DCAF8L2: variants seen among roughly 807,000 people sequenced by gnomAD.
DCAF8L2 encodes DDB1 and CUL4 associated factor 8 like 2.
For synonymous variants in DCAF8L2, 200 were observed against 190.9 expected (o/e 1.05, Z -0.39); for missense variants, 430 against 490.7 (o/e 0.88, Z 1.17).
chrX:27,620,105 A>T (rs1296471831), intron 1 of DCAF8L2, among the ~76,000 whole-genome samples: 2 of 111,896 alleles, frequency 1.8e-5, no homozygotes, highest in East Asian at 5.6e-4. Flanking sequence ...AAGCTAATTG[A>T]CAAAATTTCT....
the DCAF8L2 span, among the ~76,000 whole-genome samples, chrX:27,499,078 A>G: frequency 1.8e-5 from 2 of 112,339 alleles, no homozygotes; most frequent in African/African-American, 6.5e-5. Context: ...TTTCTTTTAG[A>G]CATATATTCC....
the DCAF8L2 span, among the ~76,000 whole-genome samples, chrX:27,514,474 C>T: frequency 9.4e-6 from 1 of 106,722 alleles, no homozygotes; most frequent in Non-Finnish European, 1.9e-5. Flanking sequence ...TCGAGACCAT[C>T]CCGGCTAAAA....
At chrX:27,669,629 C>T (rs1452894765) in intron 2 of DCAF8L2, among the ~76,000 whole-genome samples, 1 of 108,602 alleles carries the variant, frequency 9.2e-6, no homozygotes, top group Admixed American at 1.0e-4. Flanking sequence ...TCCCCCGCCC[C>T]CGCTCCATGA....
At chrX:27,530,531 G>C in the DCAF8L2 span, among the ~76,000 whole-genome samples, 1 of 111,200 alleles carries the variant, frequency 9.0e-6, no homozygotes, top group African/African-American at 3.3e-5. Flanking sequence ...ATCTGGTGTA[G>C]TGGAGATTAC....
chrX:27,669,052 G>C (rs1929848654), intron 2 of DCAF8L2, among the ~76,000 whole-genome samples: 1 of 110,929 alleles, frequency 9.0e-6, no homozygotes, highest in Non-Finnish European at 1.9e-5. Flanking sequence ...AGTAAAGAGG[G>C]CCCAATAGGA....
intron 1 of DCAF8L2, among the ~76,000 whole-genome samples, chrX:27,621,174 A>C (rs767427846): frequency 9.0e-6 from 1 of 111,290 alleles, no homozygotes; most frequent in Admixed American, 9.6e-5. Flanking sequence ...AGAGGGGAGA[A>C]TGGGGAGATA....
intron 2 of DCAF8L2, among the ~76,000 whole-genome samples, chrX:27,664,495 G>A: frequency 1.8e-5 from 2 of 112,462 alleles, no homozygotes; most frequent in Middle Eastern, 4.6e-3. Flanking sequence ...GCAACATGAA[G>A]TAGCAAGTGT....
intron 3 of DCAF8L2, among the ~76,000 whole-genome samples, chrX:27,695,209 T>C (rs1354224892): frequency 8.9e-6 from 1 of 112,055 alleles, no homozygotes; most frequent in East Asian, 2.8e-4. Context: ...AAGTATAAGA[T>C]TCTTCCTTGC....
the DCAF8L2 span, among the ~76,000 whole-genome samples, chrX:27,546,951 T>A: frequency 8.9e-6 from 1 of 112,759 alleles, no homozygotes; most frequent in Non-Finnish European, 1.9e-5. Flanking sequence ...TCTTTACTTA[T>A]GAAAATTTCT....
chrX:27,501,403 A>G, the DCAF8L2 span, among the ~76,000 whole-genome samples: 5 of 110,571 alleles, frequency 4.5e-5, no homozygotes, highest in Non-Finnish European at 9.4e-5. Context: ...CTCAAATTCG[A>G]CATGATTATG....
intron 3 of DCAF8L2, among the ~76,000 whole-genome samples, chrX:27,700,452 TA>T (rs1351980783): frequency 9.0e-6 from 1 of 111,376 alleles, no homozygotes; most frequent in Non-Finnish European, 1.9e-5. Flanking sequence ...TTGCCCTTAA[TA>T]TTTTTTTTCT....
chrX:27,691,842 T>C (rs1480782468), intron 3 of DCAF8L2, among the ~76,000 whole-genome samples: 1 of 111,220 alleles, frequency 9.0e-6, no homozygotes, highest in Non-Finnish European at 1.9e-5. Flanking sequence ...TGGTGCTTAG[T>C]GAGAAAGAGT....
At chrX:27,503,498 G>A in the DCAF8L2 span, among the ~76,000 whole-genome samples, 2 of 110,850 alleles carry the variant, frequency 1.8e-5, no homozygotes, top group Non-Finnish European at 3.8e-5. Flanking sequence ...TTTAGGTTGA[G>A]GTTATTTTTT....
At chrX:27,668,817 G>T (rs6628298) in intron 2 of DCAF8L2, among the ~76,000 whole-genome samples, 15,275 of 110,354 alleles carry the variant, frequency 0.14, 1,291 homozygotes, top group East Asian at 0.38. Flanking sequence ...GCCAGGCGTG[G>T]TGGTGGGCGC....
intron 3 of DCAF8L2, among the ~76,000 whole-genome samples, chrX:27,704,291 CAT>C (rs1931264412): frequency 9.5e-6 from 1 of 104,760 alleles, no homozygotes; most frequent in Non-Finnish European, 1.9e-5. Context: ...TATATATATA[CAT>C]ATATATGTGT....
the DCAF8L2 span, among the ~76,000 whole-genome samples, chrX:27,527,460 C>A: frequency 9.0e-6 from 1 of 111,104 alleles, no homozygotes; most frequent in Non-Finnish European, 1.9e-5. Flanking sequence ...TTCCCTGACC[C>A]CTTTTGCTTC....
At chrX:27,717,377 C>A (rs1931736847) in intron 4 of DCAF8L2, among the ~76,000 whole-genome samples, 1 of 112,389 alleles carries the variant, frequency 8.9e-6, no homozygotes, top group African/African-American at 3.2e-5. Flanking sequence ...TTCTGCTCCA[C>A]AACCTCACCA....
chrX:27,636,571 G>A (rs1261498212), intron 2 of DCAF8L2, among the ~76,000 whole-genome samples: 1 of 111,652 alleles, frequency 9.0e-6, no homozygotes, highest in Non-Finnish European at 1.9e-5. Context: ...TTGAGGAAAA[G>A]AGACTGAAAA....
intron 2 of DCAF8L2, among the ~76,000 whole-genome samples, chrX:27,659,699 T>C (rs1423463487): frequency 2.7e-5 from 3 of 111,520 alleles, no homozygotes; most frequent in African/African-American, 9.8e-5. Context: ...TACTGCTTGA[T>C]CTAGTCTGTT....
Sources: gnomAD v4.1 joint callset for allele counts (sites outside exome capture counted in the v4.1 genomes callset) on GRCh38, gnomAD v4.1.1 for gene constraint, MANE v1.5 for transcripts, NCBI Gene and HGNC (gene_info 2026-07-23, HGNC 2026-07-21) for gene names.